Variants in CIC observed in about 807,000 individuals in gnomAD.
CIC encodes the protein protein capicua homolog.
In CIC, 18 loss-of-function variants were observed where a neutral mutation model predicts 115.7. That is an observed-to-expected ratio of 0.16 (90% CI 0.11 to 0.23). The LOEUF (loss-of-function observed/expected upper bound fraction) is 0.23. Among genes scored for constraint, CIC ranks in the 10% least tolerant of loss-of-function variants. The pLI, the probability that CIC is intolerant of heterozygous loss-of-function variation, is 1.00. For missense variants in CIC, 2,000 were observed against 2,159.3 expected (o/e 0.93, Z 1.46); for synonymous variants, 1,076 against 923.0 (o/e 1.17, Z -3.01).
Position 42,295,142 on chromosome 19 carries a change from A to ACG in CIC, c.7505_7506insCG (p.Gln2502HisfsTer28). On this transcript the variant is annotated frameshift_variant, in exon 21 of 21. Coordinates refer to ENST00000681038, the MANE Select transcript of CIC (RefSeq NM_001386298.1). LOFTEE classifies it high-confidence loss of function. ...CAGCCTGGCTGGGAGGGGGCTCCCC[A>ACG]GCCCTCCCCCCCACCCCCAGGTCCC... 1.8e-6 allele frequency: 1 copy of ACG among 558,794 alleles called. No homozygotes were observed. The highest frequency in any genetic ancestry group is 2.9e-6 in the Non-Finnish European group (1 of 350,626). 34.6% of individuals were successfully genotyped at this position (558,794 alleles called of 1,614,324 possible). A position where few individuals can be genotyped will look rare whatever the true frequency, so the allele number is the denominator to read the frequency against.
At chr19:42,276,078 A>T (rs968076261) in intron 2 of CIC, among the ~76,000 whole-genome samples, 3 of 152,252 alleles carry the variant, frequency 2.0e-5, no homozygotes, top group Non-Finnish European at 4.4e-5. Flanking sequence ...GAAGGGCCAG[A>T]TGCCTATGAA....
chr19:42,268,750 C>T (rs1297581267), upstream of CIC, among the ~76,000 whole-genome samples: 1 of 152,228 alleles, frequency 6.6e-6, no homozygotes, highest in East Asian at 1.9e-4. Flanking sequence ...CGGCTATGGG[C>T]CGAAGACGTG....
At chr19:42,282,793 A>G (rs2037320054) in intron 2 of CIC, among the ~76,000 whole-genome samples, 1 of 151,910 alleles carries the variant, frequency 6.6e-6, no homozygotes, top group Admixed American at 6.6e-5. Flanking sequence ...GTGAGGATTC[A>G]ATGAACCAGA....
Position 42,273,989 on chromosome 19 carries a change from G to A in CIC, c.2206G>A (p.Ala736Thr), listed in dbSNP as rs989215976. ...GAPGAGGGGA[A>T]PDFPKSDSLD... is the part of the protein sequence containing the mutation. Reference sequence around the variant, plus strand: ...CCCTGGCGCAGGGGGTGGAGGAGCCGCCCCAGACTTTCCCAAGAGTGACAG... The same window carrying A: ...CCCTGGCGCAGGGGGTGGAGGAGCCACCCCAGACTTTCCCAAGAGTGACAG... The change falls in exon 2 of 21, where the codon GCC becomes ACC. Residue 736 changes from alanine (A) to threonine (T), a missense_variant. Physicochemically the swap from Ala to Thr is moderately conservative, Grantham distance 58 (BLOSUM62 0). Transcript: ENST00000681038. 9.0e-5 allele frequency: 36 copies of A among 398,732 alleles called. No homozygotes were observed. The highest frequency in any genetic ancestry group is 1.5e-4 in the Non-Finnish European group (35 of 226,252). The allele number at this position is 398,732 out of a possible 1,614,324, so 24.7% of individuals were successfully genotyped here.
rs565775884 is a variant in CIC, at chr19:42,288,995, C to G, written c.3766C>G (p.Pro1256Ala). The G allele has an allele frequency of 6.2e-7, 1 of 1,613,908 alleles. No homozygotes were observed. Among genetic ancestry groups the G allele is most frequent in the South Asian group, 1.1e-5 (1 of 91,088 alleles). ...AGAACGGCTACACACAGTTGGGGGA[C>G]CTGGCTCAGCCCGGCCCCGAGCTTT... ...GAERLHTVGG[P>A]GSARPRAFSH... The change falls in exon 8 of 21, where the codon CCT (proline) becomes GCT (alanine). Residue 1256 changes from proline (P) to alanine (A), a missense_variant. Pro to Ala is a conservative substitution (Grantham distance 27). Transcript: ENST00000681038.
intron 12 of CIC, 33 bp downstream of exon 12, chr19:42,291,778 T>C (rs2038133019): frequency 1.2e-6 from 2 of 1,609,582 alleles, no homozygotes; most frequent in Non-Finnish European, 1.7e-6. Context: ...ACCTGCTGGA[T>C]GTTGGCCCCT....
At position 42,274,145 on chromosome 19, in the gene CIC, C is replaced by T. The variant is rs1048537539; in HGVS notation, c.2362C>T (p.Pro788Ser). The T allele has an allele frequency of 1.0e-5, 4 of 399,376 alleles. No homozygotes were observed. The highest frequency in any genetic ancestry group is 1.8e-5 in the Non-Finnish European group (4 of 226,618). The allele number at this position is 399,376 out of a possible 1,614,324, so 24.7% of individuals were successfully genotyped here. A position where few individuals can be genotyped will look rare whatever the true frequency, so the allele number is the denominator to read the frequency against. Residue 788 changes from proline (P) to serine (S), a missense_variant, in exon 2 of 21, where the codon CCT becomes TCT. This residue lies in a region of CIC where 222 missense variants were observed against 247.7 expected (regional missense o/e 0.90). Coordinates refer to ENST00000681038, the MANE Select transcript of CIC (RefSeq NM_001386298.1). ...CTCACCATTGCTGCTGTTGCCACCC[C>T]CTGCCGGCCTGACCTCGGATCCAGG... is the stretch of plus-strand genomic sequence containing the variant. ...QPSPLLLLPPPAGLTSDPGPS... is the reference protein window; with the variant it reads ...QPSPLLLLPPSAGLTSDPGPS...
In CIC at chr19:42,290,519, C is replaced by T; in HGVS notation, c.4478C>T (p.Pro1493Leu). Residue 1493 changes from proline to leucine, a missense_variant, in exon 11 of 21, where the codon CCT becomes CTT. Pro to Leu is a moderately conservative substitution (Grantham distance 98). Coordinates refer to ENST00000681038, the MANE Select transcript of CIC (RefSeq NM_001386298.1). ...PPPGAGGPATPSKATRFLPMD... is the reference protein window; with the variant it reads ...PPPGAGGPATLSKATRFLPMD... ...CCTGGGGCTGGGGGTCCAGCGACACCTTCCAAGGCAACCCGGTTCCTCCCA... is the reference window on the plus strand; with the variant it reads ...CCTGGGGCTGGGGGTCCAGCGACACTTTCCAAGGCAACCCGGTTCCTCCCA... 1 of 1,613,508 alleles carries T rather than the reference C, an allele frequency of 6.2e-7. No homozygotes were observed. Among genetic ancestry groups the T allele is most frequent in the South Asian group, 1.1e-5 (1 of 91,058 alleles).
chr19:42,287,839 A>G lies in CIC; in HGVS notation c.3522A>G (p.Pro1174=). ...AGGAGGCCCACTTCAAGGCCCACCC[A>G]GATTGGAAGTGGTGCAACAAGGACC... ...QVKEAHFKAH[P]DWKWCNKDRK... The change falls in exon 7 of 21, where the codon CCA becomes CCG. Residue 1174 remains proline, a synonymous_variant. Coordinates refer to ENST00000681038, the MANE Select transcript of CIC (RefSeq NM_001386298.1). This position sits in a 1 kb window ranked among gnomAD's most constrained non-coding sequence, Gnocchi z 8.7. The G allele has an allele frequency of 1.2e-6, 2 of 1,613,760 alleles. No individual in the cohort carries two copies. Among genetic ancestry groups the G allele is most frequent in the African/African-American group, 1.3e-5 (1 of 75,040 alleles).
At position 42,292,563 on chromosome 19, in the gene CIC, C is replaced by T. The variant is rs1197275932; in HGVS notation, c.5903-3C>T. On this transcript the variant is annotated splice_region_variant and splice_polypyrimidine_tract_variant and intron_variant, in intron 14 of 20. Coordinates refer to ENST00000681038, the MANE Select transcript of CIC (RefSeq NM_001386298.1). ...CTCCTGCTTCTTCTTCTCTGTCTTT[C>T]AGCAGGCCAAGCCCCACTGCTGGCT... 1.2e-6 allele frequency: 2 copies of T among 1,613,030 alleles called. No individual in the cohort carries two copies. The highest frequency in any genetic ancestry group is 2.2e-5 in the East Asian group (1 of 44,874).
In CIC at chr19:42,274,435, C is replaced by T. The variant is rs891894005; in HGVS notation, c.2652C>T (p.Pro884=). 3.3e-5 allele frequency: 13 copies of T among 398,894 alleles called. No individual in the cohort carries two copies. Among genetic ancestry groups the T allele is most frequent in the African/African-American group, 1.4e-4 (7 of 48,658 alleles). 24.7% of individuals were successfully genotyped at this position (398,894 alleles called of 1,614,324 possible). The change falls in exon 2 of 21, where the codon CCC becomes CCT. Residue 884 remains proline, a synonymous_variant. Transcript: ENST00000681038. ...CAACTGCCGTGGCCCAGCCGATGCC[C>T]GCCTTTGGCCTGGCTTCTTCACCCT... The part of the protein sequence containing the change: ...AAPTAVAQPM[P]AFGLASSPFQ...
rs751466162 is a variant in CIC, at chr19:42,294,113, G to T, written c.6922+24G>T. 5 of 1,613,712 alleles carry T rather than the reference G, an allele frequency of 3.1e-6. No individual in the cohort carries two copies. In the South Asian group the frequency reaches 5.5e-5, roughly 18 times the overall value. Reference sequence around the variant, plus strand: ...GGGTAGGCGAGCATTGGGCACCCAGGGTCCTTAGGTGGAGGGCAGACTGGG... The same window carrying T: ...GGGTAGGCGAGCATTGGGCACCCAGTGTCCTTAGGTGGAGGGCAGACTGGG... On this transcript the variant is annotated intron_variant, in intron 18 of 20. Coordinates refer to ENST00000681038, the MANE Select transcript of CIC (RefSeq NM_001386298.1).
rs1484991819 is a variant in CIC, at chr19:42,280,552, AC to A, written c.2794+5979del. On this transcript the variant is annotated intron_variant, in intron 2 of 20. Transcript: ENST00000681038. This position sits in a 1 kb window ranked among gnomAD's most constrained non-coding sequence, Gnocchi z 4.9. ...CTGCTTCTCCGCCCCTGAGCGATTA[AC>A]CCCTGCGCTGCCGCGTCCTCGGGCT... 1.3e-5 allele frequency among the ~76,000 whole-genome samples: 2 copies of A among 151,618 alleles called. No individual in the cohort carries two copies. The highest frequency in any genetic ancestry group is 2.9e-5 in the Non-Finnish European group (2 of 67,896).
chr19:42,291,572 C>T lies in CIC; in HGVS notation c.5440C>T (p.Pro1814Ser), dbSNP rs766693453. ...APPPKAQSVS[P>S]VQAPPPGGSA... ...TTAACTTCCAGCCCAGTCAGTTTCT[C>T]CCGTGCAGGCCCCGCCCCCGGGTGG... Residue 1814 changes from proline (P) to serine (S), a missense_variant, in exon 12 of 21, where the codon CCC (proline) becomes TCC (serine). Pro to Ser is a moderately conservative substitution (Grantham distance 74). Transcript: ENST00000681038. 8.1e-6 allele frequency: 13 copies of T among 1,613,078 alleles called. No homozygotes were observed. Among genetic ancestry groups the T allele is most frequent in the Non-Finnish European group, 1.1e-5 (13 of 1,179,998 alleles).
intron 2 of CIC, among the ~76,000 whole-genome samples, chr19:42,278,269 G>A (rs1351679082): frequency 1.3e-5 from 2 of 152,248 alleles, no homozygotes; most frequent in Non-Finnish European, 2.9e-5. Flanking sequence ...GAGGCCAGAT[G>A]TCTCAGCCCC....
chr19:42,279,483 T>TG (rs1214352251), intron 2 of CIC, among the ~76,000 whole-genome samples: 36 of 152,268 alleles, frequency 2.4e-4, no homozygotes, highest in African/African-American at 8.4e-4. Context: ...AGCTGAAGTA[T>TG]GAGGAATGAG....
In CIC at chr19:42,294,183, A is replaced by G. The variant is rs1408962032; in HGVS notation, c.6933A>G (p.Ser2311=). The change falls in exon 19 of 21, where the codon TCA becomes TCG. Residue 2311 remains serine (S), a synonymous_variant. Transcript: ENST00000681038. ...CTTCTGTTTGGCCAGACCTGGATTCAGCACCCGAGGACCCCACCTCGCCCA... is the reference window on the plus strand; with the variant it reads ...CTTCTGTTTGGCCAGACCTGGATTCGGCACCCGAGGACCCCACCTCGCCCA... The part of the protein sequence containing the change: ...KKRKNSTDLD[S]APEDPTSPKR... 8 of 1,613,782 alleles carry G rather than the reference A, an allele frequency of 5.0e-6. No homozygotes were observed. The African/African-American group carries it at 6.7e-5, about 13-fold the overall frequency.
At chr19:42,279,430 A>G (rs572074602) in intron 2 of CIC, among the ~76,000 whole-genome samples, 1 of 152,336 alleles carries the variant, frequency 6.6e-6, no homozygotes, top group Admixed American at 6.5e-5. Flanking sequence ...ATGGGGGCTG[A>G]TAAGGGAGGA....
rs1206571332 is a variant in CIC at position 42,270,133 on chromosome 19, C to T, written c.-11+752C>T. Among the ~76,000 whole-genome samples, 1 of 152,196 alleles carries T rather than the reference C, an allele frequency of 6.6e-6. No homozygotes were observed. The highest frequency in any genetic ancestry group is 2.4e-5 in the African/African-American group (1 of 41,436). On this transcript the variant is annotated intron_variant, in intron 1 of 20. Coordinates refer to ENST00000681038, the MANE Select transcript of CIC (RefSeq NM_001386298.1). The surrounding 1 kb of genome is among the most constrained non-coding windows in gnomAD (Gnocchi z 4.1). The stretch of plus-strand genomic sequence containing the variant: ...TGCAAAGGTTTGTGCTTGGAAAAAA[C>T]TGGAGCCAGATCTCAGTCCCCAACA...
Sources: allele counts gnomAD v4.1 joint callset (sites outside exome capture counted in the v4.1 genomes callset), GRCh38; gene constraint gnomAD v4.1.1; regional missense constraint gnomAD v4.1.1; non-coding constraint Gnocchi (gnomAD v3.1); transcripts MANE v1.5; gene names NCBI Gene and HGNC (gene_info 2026-07-23, HGNC 2026-07-21).